ZNF587: variants seen among roughly 807,000 people sequenced by gnomAD.
The protein encoded by ZNF587 is zinc finger protein zfp6.
ZNF587 carries 8 observed loss-of-function variants against 7.5 expected under a neutral mutation model. The ratio of observed to expected loss-of-function variants is 1.06; its 90% CI spans 0.62 to 1.92. ZNF587 has a LOEUF of 1.92. Ranked by LOEUF, ZNF587 falls within the 40% of genes most tolerant of loss-of-function variation. The pLI is 0.00. For synonymous variants in ZNF587, 145 were observed against 237.8 expected, an observed-to-expected ratio of 0.61 and a Z score of 3.59; for missense variants, 468 against 692.8, an observed-to-expected ratio of 0.68 and a Z score of 3.64.
rs528465693 is a variant in ZNF587, at chr19:57,860,360, C to G, written c.*220C>G. 101 of 775,518 alleles carry G rather than the reference C, an allele frequency of 1.3e-4. 2 individuals are homozygous for G. The Admixed American group carries it at 2.8e-3, about 21-fold the overall frequency. 48.0% of individuals were successfully genotyped at this position (775,518 alleles called of 1,614,324 possible). The stretch of plus-strand genomic sequence containing the variant: ...CTTGGCTCGCTGCAACTTGGGCCTC[C>G]TGGGTTCATGCAATCCTCCTACCTC... On this transcript the variant is annotated 3_prime_UTR_variant, in exon 3 of 3. Coordinates refer to ENST00000339656, the MANE Select transcript of ZNF587 (RefSeq NM_032828.4).
intron 1 of ZNF587, among the ~76,000 whole-genome samples, chr19:57,855,632 G>C (rs901131226): frequency 6.6e-5 from 10 of 150,818 alleles, no homozygotes; most frequent in Admixed American, 2.6e-4. Flanking sequence ...TGTGATCTCG[G>C]CTCACTACAA....
Position 57,855,901 on chromosome 19 carries a change from G to C in ZNF587, c.34-203G>C. On this transcript the variant is annotated intron_variant, in intron 1 of 2. Transcript: ENST00000339656. ...CTTTTTATGTCAGGACCTCAGCATG[G>C]ATACCTATTTGTCCACCTACTTCTT... 4 of 873,030 alleles carry C rather than the reference G, an allele frequency of 4.6e-6. No homozygotes were observed. The South Asian group carries it at 7.3e-5, about 16-fold the overall frequency. The allele number at this position is 873,030 out of a possible 1,614,324, so 54.1% of individuals were successfully genotyped here. A position where few individuals can be genotyped will look rare whatever the true frequency, so the allele number is the denominator to read the frequency against.
At chr19:57,852,813 C>T (rs1228915338) in intron 1 of ZNF587, among the ~76,000 whole-genome samples, 1 of 140,078 alleles carries the variant, frequency 7.1e-6, no homozygotes, top group Non-Finnish European at 1.5e-5. Flanking sequence ...TAGGCATGGA[C>T]CAATGCGCCC....
At chr19:57,850,374 CAG>C in intron 1 of ZNF587, 2 of 583,426 alleles carry the variant, frequency 3.4e-6, no homozygotes, top group Non-Finnish European at 6.0e-6. Context: ...ATTCTGGGAT[CAG>C]AGTTTTCAAA....
chr19:57,858,122 C>CTTTTTTTTTTT (rs572536483), intron 2 of ZNF587: 1 of 123,520 alleles, frequency 8.1e-6, no homozygotes, highest in Non-Finnish European at 1.7e-5. Context: ...GAAGCCCCAT[C>CTTTTTTTTTTT]TTTTTTTTTT....
At chr19:57,850,156 G>A in intron 1 of ZNF587, 85 bp downstream of exon 1, 1 of 1,611,954 alleles carries the variant, frequency 6.2e-7, no homozygotes, top group Non-Finnish European at 8.5e-7. Flanking sequence ...CTGCTCGTGG[G>A]TCTGTAGCCG....
chr19:57,852,875 C>T (rs1300413895), intron 1 of ZNF587, among the ~76,000 whole-genome samples: 4 of 71,444 alleles, frequency 5.6e-5, no homozygotes, highest in African/African-American at 2.8e-4. Flanking sequence ...TTTTTTGAGA[C>T]GGAGTTTCAC....
chr19:57,858,181 A>C, intron 2 of ZNF587: 1 of 155,916 alleles, frequency 6.4e-6, no homozygotes, highest in Non-Finnish European at 1.3e-5. Flanking sequence ...GCTGGGGTGC[A>C]GTGGCGTAAT....
intron 1 of ZNF587, among the ~76,000 whole-genome samples, chr19:57,854,468 C>T (rs2071324799): frequency 6.6e-6 from 1 of 151,770 alleles, no homozygotes; most frequent in African/African-American, 2.4e-5. Flanking sequence ...GGTATAAGGC[C>T]AGAATTGAAG....
intron 1 of ZNF587, among the ~76,000 whole-genome samples, chr19:57,854,358 T>C (rs28715728): frequency 0.019 from 2,921 of 151,906 alleles, 99 homozygotes; most frequent in African/African-American, 0.063. Context: ...CACAGGATGA[T>C]TTGGGATTAC....
chr19:57,852,819 C>T (rs1432707081), intron 1 of ZNF587, among the ~76,000 whole-genome samples: 1 of 129,772 alleles, frequency 7.7e-6, no homozygotes, highest in African/African-American at 3.0e-5. Flanking sequence ...TGGACCAATG[C>T]GCCCAGCCGA....
chr19:57,864,538 G>T lies in ZNF587; in HGVS notation c.*4398G>T, dbSNP rs1401049501. On this transcript the variant is annotated 3_prime_UTR_variant, in exon 3 of 3. Transcript: ENST00000339656. ...TACAAATAGCAAGGTACAGTCAGAT[G>T]TTAACAGTCTCAGCCCCTAAATGTC... 3 of 152,010 alleles carry T rather than the reference G, an allele frequency of 2.0e-5. No homozygotes were observed. Among genetic ancestry groups the T allele is most frequent in the Non-Finnish European group, 4.4e-5 (3 of 68,010 alleles). The allele number at this position is 152,010 out of a possible 1,614,324, so 9.4% of individuals were successfully genotyped here. A position where few individuals can be genotyped will look rare whatever the true frequency, so the allele number is the denominator to read the frequency against.
chr19:57,856,416 T>G (rs1434876155), intron 2 of ZNF587, among the ~76,000 whole-genome samples, 183 bp downstream of exon 2: 1 of 151,476 alleles, frequency 6.6e-6, no homozygotes, highest in Non-Finnish European at 1.5e-5. Context: ...CCTGTTTTTT[T>G]TTTTTTTCTG....
chr19:57,860,448 T>C lies in ZNF587; in HGVS notation c.*308T>C, dbSNP rs551272127. 11 of 416,666 alleles carry C rather than the reference T, an allele frequency of 2.6e-5. No individual in the cohort carries two copies. The East Asian group carries it at 4.9e-4, about 18-fold the overall frequency. The allele number at this position is 416,666 out of a possible 1,614,324, so 25.8% of individuals were successfully genotyped here. A position where few individuals can be genotyped will look rare whatever the true frequency, so the allele number is the denominator to read the frequency against. On this transcript the variant is annotated 3_prime_UTR_variant, in exon 3 of 3. Coordinates refer to ENST00000339656, the MANE Select transcript of ZNF587 (RefSeq NM_032828.4). Reference sequence around the variant, plus strand: ...CACGCCCAGCTAATTTTTGTGTTTTTAGTGGAGATGGGGTTTTACCATGTT... The same window carrying C: ...CACGCCCAGCTAATTTTTGTGTTTTCAGTGGAGATGGGGTTTTACCATGTT...
At chr19:57,850,119 G>C in intron 1 of ZNF587, 48 bp downstream of exon 1, 2 of 1,614,194 alleles carry the variant, frequency 1.2e-6, no homozygotes, top group Non-Finnish European at 1.7e-6. Flanking sequence ...TCGTCACCCA[G>C]GTCCTAAACC....
At chr19:57,850,323 G>C in intron 1 of ZNF587, 2 of 639,730 alleles carry the variant, frequency 3.1e-6, no homozygotes, top group Admixed American at 3.0e-5. Context: ...CCTGCTGTTC[G>C]GGAGACAGGA....
In ZNF587 at chr19:57,864,737, A is replaced by G. The variant is rs1243964505; in HGVS notation, c.*4597A>G. 6.6e-6 allele frequency: 1 copy of G among 152,094 alleles called. No individual in the cohort carries two copies. The highest frequency in any genetic ancestry group is 1.5e-5 in the Non-Finnish European group (1 of 68,036). 9.4% of individuals were successfully genotyped at this position (152,094 alleles called of 1,614,324 possible). On this transcript the variant is annotated 3_prime_UTR_variant, in exon 3 of 3. Coordinates refer to ENST00000339656, the MANE Select transcript of ZNF587 (RefSeq NM_032828.4). ...TTAAAAGGGCTCGTTCAAACAAATT[A>G]TGACCACACACACTGAAGAGTATGT... is the stretch of plus-strand genomic sequence containing the variant.
Position 57,864,128 on chromosome 19 carries a change from A to ATTTTTTTTT in ZNF587, c.*4003_*4011dup, listed in dbSNP as rs200642194. 1 of 90,612 alleles carries ATTTTTTTTT rather than the reference A, an allele frequency of 1.1e-5. No homozygotes were observed. Among genetic ancestry groups the ATTTTTTTTT allele is most frequent in the Non-Finnish European group, 2.0e-5 (1 of 48,916 alleles). 5.6% of individuals were successfully genotyped at this position (90,612 alleles called of 1,614,324 possible). On this transcript the variant is annotated 3_prime_UTR_variant, in exon 3 of 3. Coordinates refer to ENST00000339656, the MANE Select transcript of ZNF587 (RefSeq NM_032828.4). The stretch of plus-strand genomic sequence containing the variant: ...ATATGGGCTTAGATATTATCCCTAA[A>ATTTTTTTTT]TTTTTTTTTTTTTTTTTTTTTTTGA...
chr19:57,855,466 A>G (rs2071340242), intron 1 of ZNF587, among the ~76,000 whole-genome samples: 1 of 151,910 alleles, frequency 6.6e-6, no homozygotes, highest in African/African-American at 2.4e-5. Context: ...AATGATATAT[A>G]TTTAATGAGA....
Sources: allele counts gnomAD v4.1 joint callset (sites outside exome capture counted in the v4.1 genomes callset), GRCh38; gene constraint gnomAD v4.1.1; transcripts MANE v1.5; gene names NCBI Gene and HGNC (gene_info 2026-07-23, HGNC 2026-07-21).